The following ADAMTSL1 variants were observed in gnomAD, a reference collection of about 807,000 sequenced individuals.
The protein encoded by ADAMTSL1 is ADAMTS like 1.
Under a neutral mutation model 201.8 loss-of-function variants are expected in ADAMTSL1, and 126 were observed. The observed-to-expected ratio is 0.62, with a 90% CI of 0.54 to 0.72. The LOEUF is 0.72. Ranked by LOEUF, ADAMTSL1 falls within the 30% of genes least tolerant of loss-of-function variation. ADAMTSL1 has a pLI of 0.00. For missense variants in ADAMTSL1, 2,679 were observed against 2,277.8 expected, an observed-to-expected ratio of 1.18 and a Z score of -3.59; for synonymous variants, 1,121 against 903.4, an observed-to-expected ratio of 1.24 and a Z score of -4.32.
At chr9:18,681,693 CGT>C in intron 11 of ADAMTSL1, 117 bp from the exon 12 acceptor site, 34 of 293,510 alleles carry the variant, frequency 1.2e-4, no homozygotes, top group African/African-American at 6.5e-4. Context: ...CAGGAGTCCT[CGT>C]GTGGGGGGGG....
chr9:18,512,673 C>A (rs1818104985), intron 2 of ADAMTSL1, among the ~76,000 whole-genome samples: 1 of 152,122 alleles, frequency 6.6e-6, no homozygotes, highest in South Asian at 2.1e-4. Context: ...ATTTTAAGAA[C>A]TAAGAGAAGT....
chr9:18,088,451 G>A (rs1175256538), intron 1 of ADAMTSL1, among the ~76,000 whole-genome samples: 1 of 152,090 alleles, frequency 6.6e-6, no homozygotes, highest in Non-Finnish European at 1.5e-5. Context: ...TCAACATGGA[G>A]AAAATGCAAC....
chr9:18,145,379 T>C (rs1826596678), intron 1 of ADAMTSL1, among the ~76,000 whole-genome samples: 1 of 152,204 alleles, frequency 6.6e-6, no homozygotes, highest in Non-Finnish European at 1.5e-5. Context: ...GTTTCTTGCG[T>C]TCTAAGTGAC....
At chr9:18,586,332 A>C (rs141851595) in intron 4 of ADAMTSL1, among the ~76,000 whole-genome samples, 1 of 152,202 alleles carries the variant, frequency 6.6e-6, no homozygotes, top group Non-Finnish European at 1.5e-5. Flanking sequence ...ATGCAATTCC[A>C]TTTATAATTC....
At chr9:18,246,971 T>A (rs1831277617) in intron 2 of ADAMTSL1, among the ~76,000 whole-genome samples, 1 of 152,168 alleles carries the variant, frequency 6.6e-6, no homozygotes, top group South Asian at 2.1e-4. Flanking sequence ...TAACCTCGGG[T>A]TTGACTGGGC....
At chr9:18,615,353 T>C (rs538633592) in intron 4 of ADAMTSL1, among the ~76,000 whole-genome samples, 3 of 152,334 alleles carry the variant, frequency 2.0e-5, no homozygotes, top group Admixed American at 6.5e-5. Context: ...GCAGGTGTTG[T>C]TGGGGCTGAG....
At chr9:18,581,811 A>G (rs1483799441) in intron 4 of ADAMTSL1, among the ~76,000 whole-genome samples, 2 of 152,134 alleles carry the variant, frequency 1.3e-5, no homozygotes, top group East Asian at 3.9e-4. Context: ...CCTGAGAATA[A>G]TCCTTGTGGC....
At chr9:18,631,955 A>G (rs572161275) in intron 5 of ADAMTSL1, among the ~76,000 whole-genome samples, 2 of 152,328 alleles carry the variant, frequency 1.3e-5, no homozygotes, top group African/African-American at 4.8e-5. Flanking sequence ...GAAGACTGGC[A>G]TCATGGTTCA....
At chr9:18,715,808 G>A (rs1382773765) in intron 14 of ADAMTSL1, among the ~76,000 whole-genome samples, 6 of 151,764 alleles carry the variant, frequency 4.0e-5, no homozygotes, top group Non-Finnish European at 8.8e-5. Flanking sequence ...AACAAAGCTG[G>A]AGGCATCACA....
At chr9:18,421,642 G>T (rs1446668068) in intron 2 of ADAMTSL1, among the ~76,000 whole-genome samples, 1 of 152,190 alleles carries the variant, frequency 6.6e-6, no homozygotes, top group Non-Finnish European at 1.5e-5. Flanking sequence ...CAGTAGCACT[G>T]AAAAAGTAAA....
At chr9:18,795,594 C>T in intron 20 of ADAMTSL1, 70 bp downstream of exon 20, 2 of 1,493,560 alleles carry the variant, frequency 1.3e-6, no homozygotes, top group African/African-American at 1.4e-5. Context: ...GTGTGTCAAA[C>T]AGGCCCAGAG....
intron 2 of ADAMTSL1, among the ~76,000 whole-genome samples, chr9:18,315,585 GGTGCTAA>G (rs1168920649): frequency 1.3e-5 from 2 of 152,162 alleles, no homozygotes; most frequent in African/African-American, 4.8e-5. Flanking sequence ...TGCTGGCCCA[GGTGCTAA>G]GTCCCTCACT....
chr9:18,103,519 A>G (rs1246081327), intron 1 of ADAMTSL1, among the ~76,000 whole-genome samples: 1 of 152,208 alleles, frequency 6.6e-6, no homozygotes, highest in Non-Finnish European at 1.5e-5. Context: ...AATTTCTGAA[A>G]AATAGATACA....
Position 18,599,918 on chromosome 9 carries a change from C to T in ADAMTSL1, c.475-22325C>T, listed in dbSNP as rs148379686. 1.2e-3 allele frequency among the ~76,000 whole-genome samples: 172 copies of T among 147,708 alleles called. 5 individuals are homozygous for T. In the East Asian group the frequency reaches 0.032, roughly 27 times the overall value. ...CTGTAATCCCAGCACTTTGGGAGGC[C>T]GAGGCGGGCAGATCAGAAGGTCAGG... On this transcript the variant is annotated intron_variant, in intron 4 of 28. Coordinates refer to ENST00000380548, the MANE Select transcript of ADAMTSL1 (RefSeq NM_001040272.6).
intron 1 of ADAMTSL1, among the ~76,000 whole-genome samples, chr9:18,099,355 A>ATATATATATATAT (rs1239180390): frequency 3.1e-4 from 14 of 45,544 alleles, no homozygotes; most frequent in African/African-American, 7.3e-4. Context: ...ATATATATAT[A>ATATATATATATAT]TTTTTTTTTT....
chr9:17,946,000 A>C (rs906547064), intron 1 of ADAMTSL1, among the ~76,000 whole-genome samples: 1 of 151,768 alleles, frequency 6.6e-6, no homozygotes, highest in African/African-American at 2.4e-5. Context: ...CTTCCACCAC[A>C]TGTGATTTTT....
chr9:18,209,462 A>G (rs993263609), intron 2 of ADAMTSL1, among the ~76,000 whole-genome samples: 4 of 152,124 alleles, frequency 2.6e-5, no homozygotes, highest in African/African-American at 7.2e-5. Context: ...AAATATTTAG[A>G]CCATGGAACC....
At chr9:18,318,790 G>A (rs977444901) in intron 2 of ADAMTSL1, among the ~76,000 whole-genome samples, 4 of 152,024 alleles carry the variant, frequency 2.6e-5, no homozygotes, top group African/African-American at 4.8e-5. Context: ...CAAGTCTAAC[G>A]GCTGAAGGAT....
chr9:18,558,240 A>G (rs1214405950), intron 3 of ADAMTSL1, among the ~76,000 whole-genome samples: 2 of 152,046 alleles, frequency 1.3e-5, no homozygotes, highest in African/African-American at 4.8e-5. Context: ...ACTCCAACTT[A>G]TGAGTGAGAA....
Sources: gnomAD v4.1 joint callset for allele counts (sites outside exome capture counted in the v4.1 genomes callset) on GRCh38, gnomAD v4.1.1 for gene constraint, MANE v1.5 for transcripts, NCBI Gene and HGNC (gene_info 2026-07-23, HGNC 2026-07-21) for gene names.